Variants in GRM8 observed in about 807,000 individuals in gnomAD.
The protein encoded by GRM8 is metabotropic glutamate receptor 8.
A neutral mutation model predicts 87.2 loss-of-function variants in GRM8; 47 were observed. The observed-to-expected ratio is 0.54, with a 90% CI of 0.43 to 0.69. The LOEUF (loss-of-function observed/expected upper bound fraction) is 0.69, where lower values mean the gene tolerates loss of function less well. GRM8 is among the 30% of genes least tolerant of loss of function. The probability of loss-of-function intolerance (pLI) is 0.00; values close to 1 mark genes in which losing one functional copy is unlikely to be tolerated. For missense variants in GRM8, 1,019 were observed against 1,139.2 expected (o/e 0.89, Z 1.52); for synonymous variants, 396 against 404.5 (o/e 0.98, Z 0.25).
At chr7:126,812,704 C>T (rs917214953) in intron 6 of GRM8, among the ~76,000 whole-genome samples, 2 of 152,012 alleles carry the variant, frequency 1.3e-5, no homozygotes, top group African/African-American at 4.8e-5. Flanking sequence ...ACACTCTATA[C>T]TCCTCCAACT....
At chr7:126,983,424 C>T (rs893568902) in intron 3 of GRM8, among the ~76,000 whole-genome samples, 1 of 152,102 alleles carries the variant, frequency 6.6e-6, no homozygotes, top group African/African-American at 2.4e-5. Context: ...TTCCAATATA[C>T]GGTACTGCTT....
chr7:126,900,429 G>A lies in GRM8; in HGVS notation c.1156+2113C>T, dbSNP rs573290685. Among the ~76,000 whole-genome samples, 150 of 152,250 alleles carry A rather than the reference G, an allele frequency of 9.9e-4. 1 individual carries two copies. Among genetic ancestry groups the A allele is most frequent in the African/African-American group, 3.5e-3 (144 of 41,538 alleles). On this transcript the variant is annotated intron_variant, in intron 6 of 10. Coordinates refer to ENST00000339582, the MANE Select transcript of GRM8 (RefSeq NM_000845.3). ...TTATATAAACACAACACTATGTAGC[G>A]TTAGATAAATATAACACTACGTACC...
chr7:126,719,126 T>A (rs893931603), intron 7 of GRM8, among the ~76,000 whole-genome samples: 20 of 152,138 alleles, frequency 1.3e-4, no homozygotes, highest in African/African-American at 3.9e-4. Context: ...ACTCCAGATC[T>A]TTTTTTACCT....
intron 3 of GRM8, among the ~76,000 whole-genome samples, chr7:126,944,895 T>A (rs1191995210): frequency 2.0e-5 from 3 of 152,214 alleles, no homozygotes; most frequent in African/African-American, 7.2e-5. Flanking sequence ...ACTTCAATAA[T>A]AATCAGAGAA....
At chr7:126,919,410 T>C (rs908815835) in intron 3 of GRM8, among the ~76,000 whole-genome samples, 6 of 152,196 alleles carry the variant, frequency 3.9e-5, no homozygotes, top group African/African-American at 1.4e-4. Context: ...AAATTGCTTT[T>C]TGAAAAGCCT....
At chr7:127,083,590 C>T (rs1324121647) in intron 3 of GRM8, among the ~76,000 whole-genome samples, 1 of 151,924 alleles carries the variant, frequency 6.6e-6, no homozygotes, top group Non-Finnish European at 1.5e-5. Flanking sequence ...GGTTTAAAAA[C>T]AAGGTCCCCC....
chr7:127,057,397 T>TAACAACATTTGTTCCA (rs538846251), intron 3 of GRM8, among the ~76,000 whole-genome samples: 221 of 152,238 alleles, frequency 1.5e-3, no homozygotes, highest in African/African-American at 5.2e-3. Flanking sequence ...TAGATTTATA[T>TAACAACATTTGTTCCA]AACAACATTT....
At chr7:126,448,660 C>T (rs1802283796) in intron 9 of GRM8, among the ~76,000 whole-genome samples, 1 of 151,904 alleles carries the variant, frequency 6.6e-6, no homozygotes, top group African/African-American at 2.4e-5. Context: ...GGACGCTATA[C>T]TTTCAAATTA....
At chr7:126,854,658 T>C (rs1222688040) in intron 6 of GRM8, among the ~76,000 whole-genome samples, 1 of 152,228 alleles carries the variant, frequency 6.6e-6, no homozygotes, top group Non-Finnish European at 1.5e-5. Flanking sequence ...CATTCTTAGC[T>C]GCTATGTCTT....
intron 6 of GRM8, among the ~76,000 whole-genome samples, chr7:126,813,472 A>T (rs1180440352): frequency 6.6e-6 from 1 of 152,138 alleles, no homozygotes; most frequent in South Asian, 2.1e-4. Flanking sequence ...CACTGGAGAC[A>T]TGAATAACTT....
intron 8 of GRM8, among the ~76,000 whole-genome samples, 175 bp downstream of exon 8, chr7:126,609,187 T>TA (rs60660174): frequency 0.19 from 28,512 of 152,122 alleles, 2,744 homozygotes; most frequent in African/African-American, 0.22. Flanking sequence ...GAGATTTCTC[T>TA]AAAGAGGCTG....
intron 7 of GRM8, among the ~76,000 whole-genome samples, chr7:126,632,749 GGAA>G (rs1379298374): frequency 1.1e-4 from 17 of 152,178 alleles, no homozygotes; most frequent in African/African-American, 3.9e-4. Flanking sequence ...GGATGGAGCT[GGAA>G]GCCATTATCC....
chr7:126,716,696 C>A (rs1811783905), intron 7 of GRM8, among the ~76,000 whole-genome samples: 1 of 152,182 alleles, frequency 6.6e-6, no homozygotes, highest in African/African-American at 2.4e-5. Flanking sequence ...CAAGGACTTT[C>A]ATTCTCCCTG....
intron 8 of GRM8, among the ~76,000 whole-genome samples, chr7:126,558,199 G>A (rs536948120): frequency 1.3e-5 from 2 of 152,300 alleles, no homozygotes; most frequent in South Asian, 4.1e-4. Context: ...GTACATGTAA[G>A]TACCACAGTG....
intron 6 of GRM8, among the ~76,000 whole-genome samples, chr7:126,842,304 T>C (rs533286982): frequency 6.6e-5 from 10 of 152,326 alleles, no homozygotes; most frequent in Admixed American, 5.2e-4. Flanking sequence ...GATGAGTCTT[T>C]ATAGTTTCTT....
intron 8 of GRM8, among the ~76,000 whole-genome samples, chr7:126,589,663 A>G (rs1304830789): frequency 6.6e-6 from 1 of 152,230 alleles, no homozygotes; most frequent in Non-Finnish European, 1.5e-5. Context: ...GCAAGAGGCC[A>G]ATCAGCACAA....
chr7:126,764,508 A>G (rs1348493234), intron 7 of GRM8, among the ~76,000 whole-genome samples: 4 of 152,076 alleles, frequency 2.6e-5, no homozygotes, highest in Non-Finnish European at 5.9e-5. Context: ...ATGCTAACAA[A>G]TTTCCTTCAA....
At position 127,243,019 on chromosome 7, in the gene GRM8, C is replaced by T. The variant is rs572965493; in HGVS notation, c.186G>A (p.Val62=). 262 of 1,614,022 alleles carry T rather than the reference C, an allele frequency of 1.6e-4. 6 individuals are homozygous for T. In the South Asian group the frequency reaches 2.0e-3, roughly 12 times the overall value. The part of the protein sequence containing the change: ...FPVHAKGERG[V]PCGELKKEKG... ...TTTCCTTCTTCAGCTCCCCACAAGG[C>T]ACCCCTCTCTCTCCCTTTGCGTGGA... is the stretch of plus-strand genomic sequence containing the variant. Residue 62 remains valine, a synonymous_variant, in exon 2 of 11, where the codon GTG becomes GTA. Transcript: ENST00000339582.
intron 7 of GRM8, among the ~76,000 whole-genome samples, chr7:126,648,209 A>G (rs1381240073): frequency 6.6e-6 from 1 of 152,096 alleles, no homozygotes; most frequent in Non-Finnish European, 1.5e-5. Flanking sequence ...AGTGTCACCA[A>G]AGAGTCCTTA....
Sources: gnomAD v4.1 joint callset for allele counts (sites outside exome capture counted in the v4.1 genomes callset) on GRCh38, gnomAD v4.1.1 for gene constraint, MANE v1.5 for transcripts, NCBI Gene and HGNC (gene_info 2026-07-23, HGNC 2026-07-21) for gene names.